The following ELAVL2 variants were observed in gnomAD, a reference collection of about 807,000 sequenced individuals.
The protein encoded by ELAVL2 is ELAV like RNA binding protein 2.
Under a neutral mutation model 34.6 loss-of-function variants are expected in ELAVL2, and 4 were observed. That is an observed-to-expected ratio of 0.12 (90% confidence interval 0.06 to 0.26). The LOEUF (loss-of-function observed/expected upper bound fraction) is 0.26, where lower values mean the gene tolerates loss of function less well. ELAVL2 is among the 10% of genes least tolerant of loss of function. ELAVL2 has a pLI of 1.00. For missense variants in ELAVL2, 432 were observed against 442.8 expected, an observed-to-expected ratio of 0.98 and a Z score of 0.22; for synonymous variants, 193 against 154.8, an observed-to-expected ratio of 1.25 and a Z score of -1.83.
intron 1 of ELAVL2, chr9:23,764,886 T>C (rs942803205): frequency 3.1e-6 from 3 of 979,896 alleles, no homozygotes; most frequent in Non-Finnish European, 4.6e-6. Context: ...CATACCACAA[T>C]AGGTTAAATG....
At chr9:23,826,889 A>C (rs1564620775), upstream of ELAVL2, among the ~76,000 whole-genome samples, 1 of 152,138 alleles carries the variant, frequency 6.6e-6, no homozygotes, top group South Asian at 2.1e-4. Context: ...GTATGTCTTT[A>C]TTTTAATATA....
intron 2 of ELAVL2, among the ~76,000 whole-genome samples, chr9:23,752,683 G>C (rs958939955): frequency 1.3e-5 from 2 of 152,100 alleles, no homozygotes; most frequent in Non-Finnish European, 2.9e-5. Context: ...TTGATCTCCT[G>C]ATGTCAGATG....
chr9:23,844,078 A>C, the ELAVL2 span, among the ~76,000 whole-genome samples: 2 of 152,084 alleles, frequency 1.3e-5, no homozygotes, highest in Non-Finnish European at 2.9e-5. Flanking sequence ...AATGGAAAAA[A>C]AGTCAGTAAG....
chr9:23,744,816 T>G (rs2050116656), intron 2 of ELAVL2, among the ~76,000 whole-genome samples: 2 of 152,152 alleles, frequency 1.3e-5, no homozygotes, highest in African/African-American at 4.8e-5. Context: ...TACCTCATTA[T>G]TCCCTACAAA....
At chr9:23,845,316 T>TAGAC in the ELAVL2 span, among the ~76,000 whole-genome samples, 494 of 151,968 alleles carry the variant, frequency 3.3e-3, 5 homozygotes, top group African/African-American at 0.011. Context: ...AAAAATTGTA[T>TAGAC]AGACGGTTGT....
intron 1 of ELAVL2, 24 bp from the exon 2 acceptor site, chr9:23,762,273 T>C (rs371106420): frequency 3.1e-6 from 5 of 1,610,302 alleles, no homozygotes; most frequent in East Asian, 2.2e-5. Flanking sequence ...AAACAAGAAA[T>C]GTCAGAATTC....
chr9:23,746,914 G>A (rs2050640844), intron 2 of ELAVL2, among the ~76,000 whole-genome samples: 1 of 151,512 alleles, frequency 6.6e-6, no homozygotes, highest in Non-Finnish European at 1.5e-5. Context: ...AATCATTAGT[G>A]GACCAGACTA....
chr9:23,825,095 C>T (rs1016105853), intron 1 of ELAVL2, among the ~76,000 whole-genome samples: 1 of 152,192 alleles, frequency 6.6e-6, no homozygotes, highest in African/African-American at 2.4e-5. Flanking sequence ...ATATCCGGTA[C>T]AGGCTTAAGA....
At position 23,692,519 on chromosome 9, in the gene ELAVL2, T is replaced by G. The variant is rs750569989; in HGVS notation, c.*38A>C. ...TTTCTCTTAACTTGCCTTTGTTGTA[T>G]AGTTTTCATATATAAATGGACTGAG... On this transcript the variant is annotated 3_prime_UTR_variant, in exon 7 of 7. Transcript: ENST00000397312. 2 of 1,568,502 alleles carry G rather than the reference T, an allele frequency of 1.3e-6. No individual in the cohort carries two copies. The highest frequency in any genetic ancestry group is 1.2e-5 in the South Asian group (1 of 83,972).
rs542149028 is a variant in ELAVL2 at position 23,820,708 on chromosome 9, C to T, written c.-16+5098G>A. ...TGCCAGTGAACCGACGCTGGCTCCC[C>T]CAGTCTCACCAGTGCACGCACACTA... is the stretch of plus-strand genomic sequence containing the variant. On this transcript the variant is annotated intron_variant, in intron 1 of 6. Transcript: ENST00000397312. Among the ~76,000 whole-genome samples the T allele has an allele frequency of 8.5e-5, 13 of 152,308 alleles. No individual in the cohort carries two copies. In the East Asian group the frequency reaches 2.5e-3, roughly 30 times the overall value.
chr9:23,757,332 C>T (rs1207195732), intron 2 of ELAVL2, among the ~76,000 whole-genome samples: 1 of 152,040 alleles, frequency 6.6e-6, no homozygotes, highest in Non-Finnish European at 1.5e-5. Context: ...GAGCTCTTGC[C>T]TCCAACAAGT....
At chr9:23,817,824 C>T (rs916239896) in intron 1 of ELAVL2, among the ~76,000 whole-genome samples, 24 of 152,244 alleles carry the variant, frequency 1.6e-4, no homozygotes, top group African/African-American at 5.8e-4. Flanking sequence ...ATTACGCAAA[C>T]TTTGACTTTT....
At chr9:23,842,363 A>C in the ELAVL2 span, among the ~76,000 whole-genome samples, 1 of 152,046 alleles carries the variant, frequency 6.6e-6, no homozygotes, top group Non-Finnish European at 1.5e-5. Context: ...AGGCCACCCT[A>C]GAGGACTGGA....
intron 1 of ELAVL2, among the ~76,000 whole-genome samples, chr9:23,792,639 C>A (rs2060456531): frequency 6.6e-6 from 1 of 152,212 alleles, no homozygotes; most frequent in African/African-American, 2.4e-5. Context: ...CATTTAAGGG[C>A]CTTTTTAACT....
intron 5 of ELAVL2, among the ~76,000 whole-genome samples, chr9:23,694,897 C>T (rs575020475): frequency 3.3e-5 from 5 of 152,194 alleles, no homozygotes; most frequent in South Asian, 4.2e-4. Flanking sequence ...CGTGCCTTGA[C>T]CCACCACCCT....
At chr9:23,809,534 G>C (rs928296256) in intron 1 of ELAVL2, among the ~76,000 whole-genome samples, 2 of 152,100 alleles carry the variant, frequency 1.3e-5, no homozygotes, top group African/African-American at 4.8e-5. Context: ...TTTCCCTGTA[G>C]AGATTGAAAT....
intron 3 of ELAVL2, among the ~76,000 whole-genome samples, chr9:23,729,315 C>A (rs1375935674): frequency 1.3e-5 from 2 of 152,068 alleles, no homozygotes; most frequent in African/African-American, 2.4e-5. Context: ...AGAACTAGGA[C>A]AAATTAGCAG....
At chr9:23,723,386 A>C (rs2044241404) in intron 3 of ELAVL2, among the ~76,000 whole-genome samples, 1 of 151,986 alleles carries the variant, frequency 6.6e-6, no homozygotes, top group African/African-American at 2.4e-5. Context: ...ACACACGGAC[A>C]CAGGAAGGGG....
At chr9:23,737,229 G>A (rs10966056) in intron 2 of ELAVL2, among the ~76,000 whole-genome samples, 33,408 of 152,030 alleles carry the variant, frequency 0.22, 3,903 homozygotes, top group Admixed American at 0.29. Context: ...ACAAATGAAG[G>A]AGCAGCAGCA....
Sources: gnomAD v4.1 joint callset for allele counts (sites outside exome capture counted in the v4.1 genomes callset) on GRCh38, gnomAD v4.1.1 for gene constraint, MANE v1.5 for transcripts, NCBI Gene and HGNC (gene_info 2026-07-23, HGNC 2026-07-21) for gene names.